Variants in FRMD4B observed in about 807,000 individuals in gnomAD.
The protein encoded by FRMD4B is FERM domain-containing protein 4B.
FRMD4B carries 74 observed loss-of-function variants against 141.5 expected under a neutral mutation model. That is an observed-to-expected ratio of 0.52 (90% CI 0.43 to 0.63). The LOEUF (loss-of-function observed/expected upper bound fraction) is 0.63, where lower values mean the gene tolerates loss of function less well. Among genes scored for constraint, FRMD4B ranks in the 30% least tolerant of loss-of-function variants. The probability of loss-of-function intolerance (pLI) is 0.00; values close to 1 mark genes in which losing one functional copy is unlikely to be tolerated. For missense variants in FRMD4B, 1,366 were observed against 1,253.4 expected (o/e 1.09, Z -1.36); for synonymous variants, 506 against 467.9 (o/e 1.08, Z -1.05).
At chr3:69,203,142 T>C (rs1236557148) in intron 11 of FRMD4B, among the ~76,000 whole-genome samples, 1 of 151,780 alleles carries the variant, frequency 6.6e-6, no homozygotes, top group Non-Finnish European at 1.5e-5. Context: ...GATTACAGTT[T>C]ATTTAATGAA....
intron 1 of FRMD4B, among the ~76,000 whole-genome samples, chr3:69,458,593 A>C (rs1705654831): frequency 6.6e-6 from 1 of 152,232 alleles, no homozygotes; most frequent in Non-Finnish European, 1.5e-5. Flanking sequence ...ATTTCAAAAA[A>C]TATAGCCAGC....
intron 1 of FRMD4B, among the ~76,000 whole-genome samples, chr3:69,454,016 C>T (rs1325863973): frequency 6.6e-6 from 1 of 152,148 alleles, no homozygotes. Context: ...CCCATGTTTG[C>T]CTCCTCCTCA....
chr3:69,536,592 C>T, intron 1 of FRMD4B: 1 of 809,148 alleles, frequency 1.2e-6, no homozygotes, highest in Non-Finnish European at 2.1e-6. Context: ...CGGGAAGCTG[C>T]TGCAGCTCAG....
rs1430364829 is a variant in FRMD4B, at chr3:69,247,764, A to G, written c.581+1462T>C. 2.6e-5 allele frequency among the ~76,000 whole-genome samples: 4 copies of G among 152,104 alleles called. 1 individual carries two copies. The South Asian group carries it at 8.3e-4, about 32-fold the overall frequency. On this transcript the variant is annotated intron_variant, in intron 7 of 22. Transcript: ENST00000398540. ...CCCGGGTTCACGCCATTCTCCTGCC[A>G]CAGCTTCCCAAGTAGCTGGGACTAC...
At chr3:69,521,719 G>A (rs2107131706) in intron 1 of FRMD4B, among the ~76,000 whole-genome samples, 1 of 152,194 alleles carries the variant, frequency 6.6e-6, no homozygotes, top group East Asian at 1.9e-4. Context: ...AATCTACCAA[G>A]CATGTTCCTA....
At chr3:69,216,162 C>A (rs377008116) in intron 11 of FRMD4B, 101 bp downstream of exon 11, 43 of 658,552 alleles carry the variant, frequency 6.5e-5, no homozygotes, top group Non-Finnish European at 9.9e-5. Flanking sequence ...TCAAAAAAAA[C>A]CAAAAAAACC....
At chr3:69,231,173 C>T (rs917075043) in intron 7 of FRMD4B, among the ~76,000 whole-genome samples, 7 of 152,168 alleles carry the variant, frequency 4.6e-5, no homozygotes, top group African/African-American at 1.7e-4. Context: ...AGTCAGAATG[C>T]CCATGAGGAA....
intron 1 of FRMD4B, among the ~76,000 whole-genome samples, chr3:69,468,620 C>CA (rs1311248260): frequency 6.6e-6 from 1 of 152,096 alleles, no homozygotes; most frequent in African/African-American, 2.4e-5. Context: ...GGAGCAGCCA[C>CA]AAAAAATTGT....
intron 1 of FRMD4B, among the ~76,000 whole-genome samples, chr3:69,371,708 T>A (rs539106019): frequency 3.3e-5 from 5 of 152,286 alleles, no homozygotes; most frequent in African/African-American, 1.2e-4. Context: ...AGAAGTAGAA[T>A]GTAAGTGTTG....
At chr3:69,542,138 C>T (rs906003768) in intron 1 of FRMD4B, 2 of 151,992 alleles carry the variant, frequency 1.3e-5, no homozygotes, top group African/African-American at 4.8e-5. Context: ...CCGGGCGCGC[C>T]CGTGGCCGCG....
At chr3:69,468,350 G>A (rs1705828199) in intron 1 of FRMD4B, among the ~76,000 whole-genome samples, 2 of 151,814 alleles carry the variant, frequency 1.3e-5, no homozygotes, top group South Asian at 2.1e-4. Context: ...TTCTTGTGTA[G>A]TAGACACTGT....
At chr3:69,260,800 G>A (rs2093522079) in intron 5 of FRMD4B, among the ~76,000 whole-genome samples, 1 of 152,248 alleles carries the variant, frequency 6.6e-6, no homozygotes, top group Admixed American at 6.5e-5. Context: ...CTAGGTAAAG[G>A]TTTGTAAATG....
At chr3:69,283,459 T>C (rs1241122495) in intron 5 of FRMD4B, among the ~76,000 whole-genome samples, 3 of 148,502 alleles carry the variant, frequency 2.0e-5, no homozygotes, top group East Asian at 2.0e-4. Flanking sequence ...AGAAAGGTGC[T>C]CCTAGCAACT....
chr3:69,319,249 G>T lies in FRMD4B; in HGVS notation c.163-5732C>A, dbSNP rs530130568. Among the ~76,000 whole-genome samples the T allele has an allele frequency of 1.2e-4, 19 of 152,278 alleles. No individual in the cohort carries two copies. The South Asian group carries it at 3.5e-3, about 28-fold the overall frequency. On this transcript the variant is annotated intron_variant, in intron 1 of 22. Coordinates refer to ENST00000398540, the MANE Select transcript of FRMD4B (RefSeq NM_015123.3). ...CTCTTACTAGCTGTGCTACCTTAGA[G>T]AAATTACTTGACCTTTCTGAGCCTT...
chr3:69,325,085 A>AAGAAAG (rs1553724229), intron 1 of FRMD4B, among the ~76,000 whole-genome samples: 6,614 of 80,144 alleles, frequency 0.083, 353 homozygotes, highest in African/African-American at 0.12. Context: ...TAAAAAAAAA[A>AAGAAAG]AAAGAAAGAA....
intron 20 of FRMD4B, 42 bp from the exon 21 acceptor site, chr3:69,181,752 A>T (rs1198746403): frequency 8.2e-7 from 1 of 1,215,182 alleles, no homozygotes; most frequent in African/African-American, 1.5e-5. Flanking sequence ...CCAAGAAGAA[A>T]AGGAGGACCC....
intron 1 of FRMD4B, 43 bp downstream of exon 1, chr3:69,385,785 G>T: frequency 1.4e-6 from 2 of 1,466,326 alleles, no homozygotes; most frequent in Non-Finnish European, 1.8e-6. Context: ...ACGAGTGCCC[G>T]GCATCCTGCT....
chr3:69,345,694 C>T (rs1203275354), intron 1 of FRMD4B, among the ~76,000 whole-genome samples: 1 of 152,220 alleles, frequency 6.6e-6, no homozygotes, highest in Non-Finnish European at 1.5e-5. Context: ...TGTTCTGCAG[C>T]CTCTGCTGCT....
chr3:69,205,170 CT>C (rs377199910), intron 11 of FRMD4B, among the ~76,000 whole-genome samples: 54 of 146,656 alleles, frequency 3.7e-4, no homozygotes, highest in Middle Eastern at 3.5e-3. Context: ...AGTCCCCCCC[CT>C]TTTTTTTTTG....
Sources: allele counts gnomAD v4.1 joint callset (sites outside exome capture counted in the v4.1 genomes callset), GRCh38; gene constraint gnomAD v4.1.1; transcripts MANE v1.5; gene names NCBI Gene and HGNC (gene_info 2026-07-23, HGNC 2026-07-21).